Variants in MIGA1 observed in about 807,000 individuals in gnomAD.
MIGA1 encodes the protein mitoguardin 1.
MIGA1 carries 58 observed loss-of-function variants against 82.0 expected under a neutral mutation model. That is an observed-to-expected ratio of 0.71 (90% CI 0.57 to 0.88). The LOEUF (loss-of-function observed/expected upper bound fraction) is 0.88. Among genes scored for constraint, MIGA1 ranks in the 40% least tolerant of loss-of-function variants. MIGA1 has a pLI of 0.00. For synonymous variants in MIGA1, 249 were observed against 253.6 expected (o/e 0.98, Z 0.17); for missense variants, 751 against 749.1 (o/e 1.00, Z -0.03).
intron 7 of MIGA1, among the ~76,000 whole-genome samples, chr1:77,840,628 C>T (rs2101883368): frequency 6.6e-6 from 1 of 152,178 alleles, no homozygotes; most frequent in African/African-American, 2.4e-5. Flanking sequence ...GCCTGACCAA[C>T]ATGCAGAAAC....
At chr1:77,817,027 G>C (rs1307431138) in intron 7 of MIGA1, among the ~76,000 whole-genome samples, 1 of 152,130 alleles carries the variant, frequency 6.6e-6, no homozygotes, top group South Asian at 2.1e-4. Context: ...CTAATCTTTG[G>C]CAGTTTCTTT....
intron 7 of MIGA1, among the ~76,000 whole-genome samples, chr1:77,835,822 C>T (rs1037937480): frequency 1.3e-5 from 2 of 152,084 alleles, no homozygotes; most frequent in Non-Finnish European, 2.9e-5. Flanking sequence ...GTGGTGCACA[C>T]CTCTAATTCC....
intron 14 of MIGA1, among the ~76,000 whole-genome samples, chr1:77,869,478 G>A (rs1318622544): frequency 2.9e-5 from 4 of 137,832 alleles, no homozygotes; most frequent in South Asian, 2.5e-4. Context: ...AGACGGGGTC[G>A]TGGCCGGGCA....
chr1:77,807,208 C>A (rs1683135087), intron 5 of MIGA1, 107 bp downstream of exon 5: 3 of 847,426 alleles, frequency 3.5e-6, no homozygotes, highest in Non-Finnish European at 3.6e-6. Context: ...GTCACCCAGG[C>A]TGGAGTACGG....
intron 8 of MIGA1, among the ~76,000 whole-genome samples, chr1:77,846,887 C>G (rs1374644756): frequency 6.6e-6 from 1 of 152,020 alleles, no homozygotes; most frequent in Non-Finnish European, 1.5e-5. Context: ...GTGGAGCTTG[C>G]AATGAACTGA....
chr1:77,856,803 T>G (rs1276517044), intron 8 of MIGA1, among the ~76,000 whole-genome samples: 1 of 152,148 alleles, frequency 6.6e-6, no homozygotes, highest in African/African-American at 2.4e-5. Context: ...TCTATCAATT[T>G]TATTTATCTT....
At chr1:77,794,992 C>G (rs1377873144) in intron 2 of MIGA1, among the ~76,000 whole-genome samples, 2 of 152,012 alleles carry the variant, frequency 1.3e-5, no homozygotes, top group Non-Finnish European at 2.9e-5. Flanking sequence ...AAGATGCACC[C>G]TTGCTCTGTT....
At chr1:77,869,944 G>C (rs1389989208) in intron 14 of MIGA1, among the ~76,000 whole-genome samples, 2 of 135,578 alleles carry the variant, frequency 1.5e-5, no homozygotes, top group Non-Finnish European at 3.2e-5. Flanking sequence ...CCCGGACGGG[G>C]CGGCTGGCCG....
Position 77,779,672 on chromosome 1 carries a change from C to G in MIGA1, c.17C>G (p.Ser6Ter), listed in dbSNP as rs762681089. 5.7e-6 allele frequency: 9 copies of G among 1,586,020 alleles called. No individual in the cohort carries two copies. The South Asian group carries it at 1.0e-4, about 18-fold the overall frequency. ...GCCTTCTCCATGTCAGACTGCTGCT[C>G]AGCGCCAGGCATCAGCTGGGAAGCT... The change falls in exon 1 of 16, where the codon TCA becomes TGA. Residue 6 changes from serine to a stop codon, truncating the protein, a stop_gained. An upstream open reading frame in the 5' UTR gains an earlier in-frame stop. Coordinates refer to ENST00000370791, the MANE Select transcript of MIGA1 (RefSeq NM_198549.4). LOFTEE classifies it high-confidence loss of function.
intron 7 of MIGA1, among the ~76,000 whole-genome samples, chr1:77,841,788 T>C (rs1461849402): frequency 6.6e-6 from 1 of 151,506 alleles, no homozygotes; most frequent in Non-Finnish European, 1.5e-5. Flanking sequence ...TCTCTCTTTC[T>C]TCCTTTTCTT....
intron 6 of MIGA1, 115 bp downstream of exon 6, chr1:77,813,982 C>T: frequency 9.3e-7 from 1 of 1,074,546 alleles, no homozygotes; most frequent in South Asian, 1.6e-5. Flanking sequence ...TCTTGAACTC[C>T]TGGGCTCAAG....
intron 2 of MIGA1, among the ~76,000 whole-genome samples, chr1:77,787,689 C>T (rs1682228156): frequency 6.6e-6 from 1 of 151,918 alleles, no homozygotes; most frequent in Non-Finnish European, 1.5e-5. Context: ...TGTGCCTGGC[C>T]CCTTTGCCCA....
At chr1:77,868,937 TTTA>T (rs1159993151) in intron 14 of MIGA1, among the ~76,000 whole-genome samples, 8 of 149,014 alleles carry the variant, frequency 5.4e-5, no homozygotes, top group Non-Finnish European at 8.8e-5. Context: ...TTTTAATTTA[TTTA>T]TTTTTTTTTT....
At chr1:77,833,894 C>T (rs545356588) in intron 7 of MIGA1, among the ~76,000 whole-genome samples, 3 of 152,302 alleles carry the variant, frequency 2.0e-5, no homozygotes, top group South Asian at 2.1e-4. Context: ...GAATGGTTCC[C>T]ATTCCCTTTC....
At chr1:77,837,082 T>C (rs1684462793) in intron 7 of MIGA1, among the ~76,000 whole-genome samples, 1 of 152,170 alleles carries the variant, frequency 6.6e-6, no homozygotes, top group Non-Finnish European at 1.5e-5. Context: ...TGTAAGCTCT[T>C]TGCACTGTAG....
intron 14 of MIGA1, among the ~76,000 whole-genome samples, chr1:77,871,909 CTT>C (rs1646841321): frequency 6.6e-6 from 1 of 152,024 alleles, no homozygotes; most frequent in Admixed American, 6.6e-5. Flanking sequence ...TCCCATAAAA[CTT>C]ATACAACTAA....
At chr1:77,874,197 C>G (rs894866124) in intron 15 of MIGA1, among the ~76,000 whole-genome samples, 1 of 151,996 alleles carries the variant, frequency 6.6e-6, no homozygotes, top group Non-Finnish European at 1.5e-5. Context: ...GACATAATAG[C>G]TGAGACTTAA....
At chr1:77,791,550 G>A (rs1682425256) in intron 2 of MIGA1, among the ~76,000 whole-genome samples, 2 of 143,748 alleles carry the variant, frequency 1.4e-5, no homozygotes, top group South Asian at 4.4e-4. Context: ...CTCAGAAGTA[G>A]ATATTTAAGT....
chr1:77,837,354 T>C (rs979548705), intron 7 of MIGA1, among the ~76,000 whole-genome samples: 2 of 152,172 alleles, frequency 1.3e-5, no homozygotes, highest in Admixed American at 1.3e-4. Flanking sequence ...CACATGTAAC[T>C]AGGAGCTACT....
Sources: allele counts gnomAD v4.1 joint callset (sites outside exome capture counted in the v4.1 genomes callset), GRCh38; gene constraint gnomAD v4.1.1; transcripts MANE v1.5; gene names NCBI Gene and HGNC (gene_info 2026-07-23, HGNC 2026-07-21).